Variants in PAN3 observed in about 807,000 individuals in gnomAD.
PAN3 encodes the protein PAN2-PAN3 deadenylation complex subunit PAN3.
A neutral mutation model predicts 96.2 loss-of-function variants in PAN3; 19 were observed. The observed-to-expected ratio is 0.20, with a 90% CI of 0.14 to 0.29. The LOEUF (loss-of-function observed/expected upper bound fraction) is 0.29. PAN3 is among the 10% of genes least tolerant of loss of function. PAN3 has a pLI of 1.00. For missense variants in PAN3, 882 were observed against 1,108.1 expected (o/e 0.80, Z 2.90); for synonymous variants, 433 against 406.6 (o/e 1.06, Z -0.78).
chr13:28,175,251 T>C (rs1405658533), intron 2 of PAN3, among the ~76,000 whole-genome samples: 3 of 151,448 alleles, frequency 2.0e-5, no homozygotes, highest in Admixed American at 6.6e-5. Flanking sequence ...TTTCTCTCCC[T>C]CTCTCTCTCT....
intron 6 of PAN3, among the ~76,000 whole-genome samples, chr13:28,246,867 A>T (rs1463177990): frequency 6.6e-6 from 1 of 152,134 alleles, no homozygotes; most frequent in East Asian, 1.9e-4. Flanking sequence ...TATTGTGAAT[A>T]GTCCTGCAAT....
In PAN3 at chr13:28,207,227, A is replaced by T. The variant is rs190936461; in HGVS notation, c.852+9881A>T. Among the ~76,000 whole-genome samples the T allele has an allele frequency of 2.0e-5, 3 of 150,960 alleles. No homozygotes were observed. The East Asian group carries it at 5.9e-4, about 29-fold the overall frequency. On this transcript the variant is annotated intron_variant, in intron 5 of 18. Coordinates refer to ENST00000380958, the MANE Select transcript of PAN3 (RefSeq NM_175854.8). ...GTGTCTAACTTGTGAGCTCTTTTTG[A>T]CCCCTCACTTCCTTACCTGCCATAT...
At chr13:28,157,180 T>C (rs1872300814) in intron 1 of PAN3, among the ~76,000 whole-genome samples, 1 of 151,994 alleles carries the variant, frequency 6.6e-6, no homozygotes, top group Admixed American at 6.6e-5. Context: ...TCAACATCCC[T>C]TCATGTTAAA....
chr13:28,215,589 C>T lies in PAN3; in HGVS notation c.853-4642C>T, dbSNP rs1246151091. ...AATCAGTGCTGTCTATGCCCTTGTA[C>T]TGAATTGCCACACAGCCCATGTTGC... On this transcript the variant is annotated intron_variant, in intron 5 of 18. Transcript: ENST00000380958. The T allele has an allele frequency of 2.6e-5, 21 of 818,910 alleles. 1 individual carries two copies. The East Asian group carries it at 5.3e-4, about 21-fold the overall frequency. The allele number at this position is 818,910 out of a possible 1,614,324, so 50.7% of individuals were successfully genotyped here. A position where few individuals can be genotyped will look rare whatever the true frequency, so the allele number is the denominator to read the frequency against.
At chr13:28,155,623 C>T (rs1037387421) in intron 1 of PAN3, among the ~76,000 whole-genome samples, 15 of 151,876 alleles carry the variant, frequency 9.9e-5, no homozygotes, top group Non-Finnish European at 1.3e-4. Context: ...AAAGATGTAT[C>T]GGACATGGCC....
chr13:28,239,834 T>A, intron 6 of PAN3: 1 of 387,278 alleles, frequency 2.6e-6, no homozygotes, highest in South Asian at 2.3e-5. Flanking sequence ...ACTGACTTCG[T>A]TTTTATTTTA....
intron 6 of PAN3, among the ~76,000 whole-genome samples, chr13:28,230,588 ATTG>A (rs1310610960): frequency 2.0e-5 from 3 of 152,314 alleles, no homozygotes; most frequent in Admixed American, 2.0e-4. Flanking sequence ...AAACAACTAA[ATTG>A]TTGTTAATGT....
intron 14 of PAN3, among the ~76,000 whole-genome samples, chr13:28,275,325 A>G (rs1039623082): frequency 6.6e-6 from 1 of 152,052 alleles, no homozygotes; most frequent in Non-Finnish European, 1.5e-5. Context: ...TATTTTTTAA[A>G]CCCATCTGGT....
At chr13:28,152,044 C>A (rs1871429830) in intron 1 of PAN3, among the ~76,000 whole-genome samples, 1 of 152,064 alleles carries the variant, frequency 6.6e-6, no homozygotes, top group Non-Finnish European at 1.5e-5. Context: ...ATTGATAAAT[C>A]AGTAGGCTAT....
intron 1 of PAN3, among the ~76,000 whole-genome samples, chr13:28,156,748 C>T (rs1160267495): frequency 6.6e-6 from 1 of 152,210 alleles, no homozygotes; most frequent in Non-Finnish European, 1.5e-5. Context: ...AGTCTCAGCA[C>T]TTTGGTAGCC....
At position 28,280,884 on chromosome 13, in the gene PAN3, T is replaced by C. The variant is rs74527044; in HGVS notation, c.2319+343T>C. Among the ~76,000 whole-genome samples, 1,045 of 152,302 alleles carry C rather than the reference T, an allele frequency of 6.9e-3. 9 individuals are homozygous for C. Among genetic ancestry groups the C allele is most frequent in the African/African-American group, 0.024 (993 of 41,568 alleles). ...CCAGTAAAGAGTGTAATTAAAAGAA[T>C]GTACACACAACTTGCATCTGTGTAT... On this transcript the variant is annotated intron_variant, in intron 16 of 18. Transcript: ENST00000380958.
chr13:28,271,064 A>C (rs533457856), intron 13 of PAN3, among the ~76,000 whole-genome samples, 198 bp downstream of exon 13: 2 of 152,214 alleles, frequency 1.3e-5, no homozygotes, highest in Non-Finnish European at 2.9e-5. Flanking sequence ...TTATTAACCA[A>C]AAATCTTGGG....
At chr13:28,261,516 A>G in intron 9 of PAN3, 58 bp downstream of exon 9, 1 of 1,480,156 alleles carries the variant, frequency 6.8e-7, no homozygotes, top group Non-Finnish European at 9.4e-7. Context: ...CTTACGTGGT[A>G]GTACATGTTT....
At chr13:28,267,440 G>T in intron 12 of PAN3, 39 bp downstream of exon 12, 2 of 1,502,640 alleles carry the variant, frequency 1.3e-6, no homozygotes, top group Non-Finnish European at 1.9e-6. Context: ...TTTGACTAAT[G>T]CTTTTGCTCT....
At chr13:28,236,080 C>T (rs914403443) in intron 6 of PAN3, among the ~76,000 whole-genome samples, 1 of 151,996 alleles carries the variant, frequency 6.6e-6, no homozygotes, top group African/African-American at 2.4e-5. Context: ...GTTAAATGCT[C>T]CTGTGGTATT....
intron 1 of PAN3, among the ~76,000 whole-genome samples, 185 bp downstream of exon 1, chr13:28,139,272 C>T (rs1566126391): frequency 6.8e-6 from 1 of 146,482 alleles, no homozygotes; most frequent in South Asian, 2.2e-4. Context: ...TCCCCACTGC[C>T]TTCGGCAAGT....
At position 28,289,919 on chromosome 13, in the gene PAN3, T is replaced by C. The variant is rs559505848; in HGVS notation, c.2523+1797T>C. 3.9e-5 allele frequency among the ~76,000 whole-genome samples: 6 copies of C among 152,168 alleles called. No individual in the cohort carries two copies. The South Asian group carries it at 6.2e-4, about 16-fold the overall frequency. On this transcript the variant is annotated intron_variant, in intron 18 of 18. Coordinates refer to ENST00000380958, the MANE Select transcript of PAN3 (RefSeq NM_175854.8). The stretch of plus-strand genomic sequence containing the variant: ...AAGAAAAGATTGGGAAAGACAAAAT[T>C]TACAGAGAAAAGAAAGAAGACAGTT...
chr13:28,190,243 C>T (rs1014135385), intron 4 of PAN3, among the ~76,000 whole-genome samples: 1 of 152,170 alleles, frequency 6.6e-6, no homozygotes, highest in African/African-American at 2.4e-5. Context: ...CCTCACCTGG[C>T]CAATTTGTTT....
At position 28,270,898 on chromosome 13, in the gene PAN3, T is replaced by C. The variant is rs761428772; in HGVS notation, c.1958+32T>C. 2.9e-5 allele frequency: 46 copies of C among 1,596,796 alleles called. 1 individual carries two copies. In the East Asian group the frequency reaches 9.6e-4, roughly 33 times the overall value. On this transcript the variant is annotated intron_variant, in intron 13 of 18. Coordinates refer to ENST00000380958, the MANE Select transcript of PAN3 (RefSeq NM_175854.8). The stretch of plus-strand genomic sequence containing the variant: ...GCATTTTGAGTTTTGGTTTCTTTTA[T>C]TGAGCGTCTTACCTTTGACAGCTTA...
Sources: gnomAD v4.1 joint callset for allele counts (sites outside exome capture counted in the v4.1 genomes callset) on GRCh38, gnomAD v4.1.1 for gene constraint, MANE v1.5 for transcripts, NCBI Gene and HGNC (gene_info 2026-07-23, HGNC 2026-07-21) for gene names.